The following CA10 variants were observed in gnomAD, a reference collection of about 807,000 sequenced individuals.
CA10 encodes the protein carbonic anhydrase-related protein 10.
Under a neutral mutation model 44.2 loss-of-function variants are expected in CA10, and 14 were observed. The observed-to-expected ratio is 0.32, with a 90% CI of 0.21 to 0.50. The LOEUF is 0.50. Ranked by LOEUF, CA10 falls within the 20% of genes least tolerant of loss-of-function variation. The probability of loss-of-function intolerance (pLI) is 0.99; values close to 1 mark genes in which losing one functional copy is unlikely to be tolerated. For synonymous variants in CA10, 159 were observed against 141.6 expected (o/e 1.12, Z -0.87); for missense variants, 350 against 409.7 (o/e 0.85, Z 1.26).
At chr17:51,656,322 G>A (rs1913791149) in intron 4 of CA10, among the ~76,000 whole-genome samples, 1 of 152,228 alleles carries the variant, frequency 6.6e-6, no homozygotes, top group Admixed American at 6.5e-5. Flanking sequence ...GCCTCTCAGG[G>A]TGGGGTTCTT....
chr17:51,942,254 G>A, intron 2 of CA10, among the ~76,000 whole-genome samples: 1 of 152,102 alleles, frequency 6.6e-6, no homozygotes, highest in Admixed American at 6.6e-5. Flanking sequence ...TGAGACATCA[G>A]GAGAAATAAT....
At chr17:51,928,381 T>C (rs1026059424) in intron 3 of CA10, among the ~76,000 whole-genome samples, 1 of 152,146 alleles carries the variant, frequency 6.6e-6, no homozygotes. Flanking sequence ...GAATAACTAT[T>C]ATTCCTTGCT....
At chr17:51,635,832 T>G in intron 7 of CA10, 23 bp downstream of exon 7, 1 of 1,529,036 alleles carries the variant, frequency 6.5e-7, no homozygotes, top group Non-Finnish European at 8.9e-7. Flanking sequence ...CTCCATTAGC[T>G]AAATGACCAG....
intron 3 of CA10, among the ~76,000 whole-genome samples, chr17:51,912,052 T>C (rs919483527): frequency 6.6e-6 from 1 of 152,162 alleles, no homozygotes; most frequent in Non-Finnish European, 1.5e-5. Context: ...AGATATCACA[T>C]TCTATAAAGC....
At chr17:51,702,441 A>C (rs563632119) in intron 4 of CA10, among the ~76,000 whole-genome samples, 1 of 152,316 alleles carries the variant, frequency 6.6e-6, no homozygotes, top group Non-Finnish European at 1.5e-5. Flanking sequence ...GGCTGGTGAC[A>C]GGTCATTCTT....
At chr17:51,679,322 T>G (rs1036007378) in intron 4 of CA10, among the ~76,000 whole-genome samples, 1 of 150,232 alleles carries the variant, frequency 6.7e-6, no homozygotes. Flanking sequence ...TGCAGTGGCG[T>G]GATCTCTGCT....
chr17:51,840,073 G>T (rs1457239456), intron 3 of CA10, among the ~76,000 whole-genome samples: 3 of 152,162 alleles, frequency 2.0e-5, no homozygotes, highest in Admixed American at 2.0e-4. Context: ...AACTAGATTT[G>T]AATATTGGGT....
At chr17:52,016,998 T>C (rs1013249698) in intron 2 of CA10, among the ~76,000 whole-genome samples, 1 of 152,124 alleles carries the variant, frequency 6.6e-6, no homozygotes, top group Non-Finnish European at 1.5e-5. Context: ...GACCAGCTTC[T>C]CCTTTGTCTT....
intron 3 of CA10, among the ~76,000 whole-genome samples, chr17:51,769,659 A>G (rs1905524626): frequency 6.6e-6 from 1 of 152,212 alleles, no homozygotes; most frequent in African/African-American, 2.4e-5. Context: ...ATATATTTCC[A>G]GTCATCCTTC....
At chr17:51,723,738 T>C (rs542107914) in intron 4 of CA10, among the ~76,000 whole-genome samples, 88 of 152,352 alleles carry the variant, frequency 5.8e-4, no homozygotes, top group Non-Finnish European at 1.0e-3. Flanking sequence ...GAAATCAGAA[T>C]CCTTCATGTC....
At chr17:51,632,308 C>T (rs1463941191) in intron 8 of CA10, among the ~76,000 whole-genome samples, 4 of 152,192 alleles carry the variant, frequency 2.6e-5, no homozygotes, top group African/African-American at 7.2e-5. Flanking sequence ...GAACACAATA[C>T]AGGGGTTTTG....
At chr17:52,136,824 T>C (rs898634112) in intron 1 of CA10, among the ~76,000 whole-genome samples, 5 of 152,188 alleles carry the variant, frequency 3.3e-5, no homozygotes, top group Admixed American at 2.6e-4. Flanking sequence ...TGTATATTCC[T>C]TGTGAGACAC....
chr17:51,989,569 G>A (rs1984967649), intron 2 of CA10, among the ~76,000 whole-genome samples: 1 of 152,040 alleles, frequency 6.6e-6, no homozygotes, highest in Non-Finnish European at 1.5e-5. Flanking sequence ...CCATCAGTGA[G>A]AGACTGGATA....
At chr17:51,733,475 G>A (rs1189175036) in intron 4 of CA10, among the ~76,000 whole-genome samples, 1 of 152,078 alleles carries the variant, frequency 6.6e-6, no homozygotes, top group Non-Finnish European at 1.5e-5. Flanking sequence ...TGAGTGCTTT[G>A]GAATCAACTT....
At chr17:52,112,481 T>G (rs1446972437) in intron 1 of CA10, among the ~76,000 whole-genome samples, 2 of 152,202 alleles carry the variant, frequency 1.3e-5, no homozygotes, top group Non-Finnish European at 2.9e-5. Flanking sequence ...CTGGCCACAA[T>G]GCCAAAAAAT....
chr17:51,753,741 C>T (rs1904975610), intron 3 of CA10, among the ~76,000 whole-genome samples: 1 of 152,192 alleles, frequency 6.6e-6, no homozygotes, highest in South Asian at 2.1e-4. Flanking sequence ...TGGCACTTTC[C>T]ATAGAAGCAA....
chr17:52,025,593 A>T (rs939336675), intron 2 of CA10, among the ~76,000 whole-genome samples: 12 of 151,798 alleles, frequency 7.9e-5, no homozygotes, highest in Admixed American at 1.3e-4. Flanking sequence ...GGGAATAATT[A>T]AAAAAAAATC....
At chr17:51,976,983 C>A (rs2144080073) in intron 2 of CA10, among the ~76,000 whole-genome samples, 1 of 151,942 alleles carries the variant, frequency 6.6e-6, no homozygotes, top group African/African-American at 2.4e-5. Flanking sequence ...TTCCATGAAA[C>A]AAAACTTAGC....
At chr17:52,070,384 C>A (rs1987649142) in intron 2 of CA10, 1 of 152,210 alleles carries the variant, frequency 6.6e-6, no homozygotes, top group African/African-American at 2.4e-5. Context: ...TCAACATGCA[C>A]CAGACATGAA....
Sources: gnomAD v4.1 joint callset for allele counts (sites outside exome capture counted in the v4.1 genomes callset) on GRCh38, gnomAD v4.1.1 for gene constraint, MANE v1.5 for transcripts, NCBI Gene and HGNC (gene_info 2026-07-23, HGNC 2026-07-21) for gene names.